The following MEIS2 variants were observed in gnomAD, a reference collection of about 807,000 sequenced individuals.
MEIS2 encodes the protein homeobox protein Meis2.
In MEIS2, 9 loss-of-function variants were observed where a neutral mutation model predicts 58.6. That is an observed-to-expected ratio of 0.15 (90% CI 0.09 to 0.27). The LOEUF (loss-of-function observed/expected upper bound fraction) is 0.27. Ranked by LOEUF, MEIS2 falls within the 10% of genes least tolerant of loss-of-function variation. The pLI is 1.00. For synonymous variants in MEIS2, 221 were observed against 228.4 expected, an observed-to-expected ratio of 0.97 and a Z score of 0.29; for missense variants, 427 against 635.0, an observed-to-expected ratio of 0.67 and a Z score of 3.52.
At chr15:36,939,959 C>A (rs770677287) in intron 9 of MEIS2, among the ~76,000 whole-genome samples, 1 of 152,144 alleles carries the variant, frequency 6.6e-6, no homozygotes, top group African/African-American at 2.4e-5. Context: ...AGATAAATTG[C>A]GATGGCAGGA....
At chr15:36,995,955 AG>A (rs1390470339) in intron 8 of MEIS2, among the ~76,000 whole-genome samples, 6 of 106,988 alleles carry the variant, frequency 5.6e-5, no homozygotes, top group African/African-American at 2.0e-4. Flanking sequence ...CTCTAGTCTG[AG>A]ATATATATAT....
At chr15:37,018,015 C>T (rs1025985520) in intron 8 of MEIS2, among the ~76,000 whole-genome samples, 1 of 152,182 alleles carries the variant, frequency 6.6e-6, no homozygotes, top group African/African-American at 2.4e-5. Flanking sequence ...CCTGGCCCAT[C>T]ATTATCTCCT....
At chr15:37,036,438 C>T (rs74807195) in intron 8 of MEIS2, 2,471 of 141,410 alleles carry the variant, frequency 0.017, 72 homozygotes, top group African/African-American at 0.06. Context: ...CTTTCGTTAA[C>T]AGTGTAATCA....
At chr15:36,918,662 G>C (rs2057376815) in intron 9 of MEIS2, among the ~76,000 whole-genome samples, 1 of 152,178 alleles carries the variant, frequency 6.6e-6, no homozygotes, top group Non-Finnish European at 1.5e-5. Flanking sequence ...AGAAAAGGTG[G>C]AGATAACCTG....
At chr15:36,904,863 T>A (rs1208724438) in intron 9 of MEIS2, among the ~76,000 whole-genome samples, 1 of 152,184 alleles carries the variant, frequency 6.6e-6, no homozygotes, top group Admixed American at 6.5e-5. Flanking sequence ...ACATAAGACA[T>A]GTGCATTGTC....
At chr15:37,000,129 T>C (rs1595898539) in intron 8 of MEIS2, among the ~76,000 whole-genome samples, 1 of 152,324 alleles carries the variant, frequency 6.6e-6, no homozygotes, top group East Asian at 1.9e-4. Context: ...ATCACCTCAT[T>C]ATTATAGCCA....
intron 8 of MEIS2, among the ~76,000 whole-genome samples, chr15:36,979,740 T>C (rs2059871712): frequency 6.8e-6 from 1 of 147,358 alleles, no homozygotes; most frequent in Non-Finnish European, 1.5e-5. Flanking sequence ...ACATTTATTA[T>C]ATAAATATAT....
At chr15:36,989,551 T>C (rs1472336880) in intron 8 of MEIS2, among the ~76,000 whole-genome samples, 1 of 152,178 alleles carries the variant, frequency 6.6e-6, no homozygotes, top group Non-Finnish European at 1.5e-5. Context: ...GGCCCAGATA[T>C]GGTCTCTGCC....
intron 8 of MEIS2, among the ~76,000 whole-genome samples, chr15:37,011,968 G>C (rs1199780088): frequency 6.6e-6 from 1 of 152,174 alleles, no homozygotes; most frequent in South Asian, 2.1e-4. Context: ...GTTGTGGCTT[G>C]ATTCATTGCC....
chr15:37,010,765 G>A (rs1237100318), intron 8 of MEIS2, among the ~76,000 whole-genome samples: 1 of 152,210 alleles, frequency 6.6e-6, no homozygotes, highest in Non-Finnish European at 1.5e-5. Context: ...TTAATTGAAT[G>A]GGGGTTGAGG....
intron 8 of MEIS2, among the ~76,000 whole-genome samples, chr15:37,017,580 G>C (rs984984426): frequency 2.6e-5 from 4 of 152,154 alleles, no homozygotes; most frequent in African/African-American, 9.7e-5. Flanking sequence ...TCCAGCCTAG[G>C]CAACAGAGCA....
At position 37,036,670 on chromosome 15, in the gene MEIS2, A is replaced by G. The variant is rs976592073; in HGVS notation, c.900+144T>C. On this transcript the variant is annotated intron_variant, in intron 8 of 11. Transcript: ENST00000561208. ...TGGATGGTAATAGTTGATGAAAAAAAAAACTTTAACTAGTCTGTTAGTCAT... is the reference window on the plus strand; with the variant it reads ...TGGATGGTAATAGTTGATGAAAAAAGAAACTTTAACTAGTCTGTTAGTCAT... The G allele has an allele frequency of 1.1e-5, 10 of 914,988 alleles. 1 individual carries two copies. Among genetic ancestry groups the G allele is most frequent in the Middle Eastern group, 7.1e-4 (2 of 2,812 alleles). The allele number at this position is 914,988 out of a possible 1,614,324, so 56.7% of individuals were successfully genotyped here.
intron 8 of MEIS2, among the ~76,000 whole-genome samples, chr15:36,981,406 T>C (rs1364867191): frequency 6.6e-6 from 1 of 152,162 alleles, no homozygotes; most frequent in African/African-American, 2.4e-5. Flanking sequence ...ACACTTCCAA[T>C]TTTATTTTTT....
intron 8 of MEIS2, among the ~76,000 whole-genome samples, chr15:37,009,046 T>C (rs1173694025): frequency 1.3e-5 from 2 of 152,152 alleles, no homozygotes; most frequent in Non-Finnish European, 2.9e-5. Context: ...TCCCAGCACT[T>C]TGGGAGGCCG....
At chr15:37,070,940 T>G (rs1384958162) in intron 7 of MEIS2, among the ~76,000 whole-genome samples, 2 of 152,082 alleles carry the variant, frequency 1.3e-5, no homozygotes, top group Non-Finnish European at 2.9e-5. Context: ...AAACAGGCCG[T>G]ATTTCAGGGA....
chr15:37,003,184 C>T (rs1458056475), intron 8 of MEIS2, among the ~76,000 whole-genome samples: 2 of 152,266 alleles, frequency 1.3e-5, no homozygotes, highest in East Asian at 1.9e-4. Context: ...CTCCCTCTAG[C>T]CTAAATGGAC....
intron 8 of MEIS2, among the ~76,000 whole-genome samples, chr15:36,952,352 G>A (rs952158220): frequency 1.3e-5 from 2 of 152,102 alleles, no homozygotes. Context: ...AAGATTTTTA[G>A]AGCCTAGGTT....
intron 3 of MEIS2, 114 bp downstream of exon 3, chr15:37,096,175 G>A (rs1237492144): frequency 1.2e-5 from 14 of 1,214,564 alleles, no homozygotes; most frequent in Non-Finnish European, 1.6e-5. Flanking sequence ...AGCGGACTGG[G>A]CCAGAGGAAC....
chr15:37,061,531 T>A (rs1025998329), intron 7 of MEIS2, among the ~76,000 whole-genome samples: 5 of 152,208 alleles, frequency 3.3e-5, no homozygotes, highest in African/African-American at 1.2e-4. Flanking sequence ...GTTGCAGAGG[T>A]AGCCGCACTA....
Sources: gnomAD v4.1 joint callset for allele counts (sites outside exome capture counted in the v4.1 genomes callset) on GRCh38, gnomAD v4.1.1 for gene constraint, MANE v1.5 for transcripts, NCBI Gene and HGNC (gene_info 2026-07-23, HGNC 2026-07-21) for gene names.